The following CREB5 variants were observed in gnomAD, a reference collection of about 807,000 sequenced individuals.
CREB5 encodes the protein cAMP responsive element binding protein 5, also known as cyclic AMP-responsive element-binding protein 5.
In CREB5, 19 loss-of-function variants were observed where a neutral mutation model predicts 57.1. The ratio of observed to expected loss-of-function variants is 0.33; its 90% CI spans 0.23 to 0.49. The LOEUF (loss-of-function observed/expected upper bound fraction) is 0.49. CREB5 is among the 20% of genes least tolerant of loss of function. CREB5 has a pLI of 0.99. For missense variants in CREB5, 579 were observed against 671.6 expected (o/e 0.86, Z 1.52); for synonymous variants, 238 against 238.3 (o/e 1.00, Z 0.01).
intron 7 of CREB5, among the ~76,000 whole-genome samples, chr7:28,797,507 G>A (rs1437658908): frequency 6.6e-6 from 1 of 152,048 alleles, no homozygotes; most frequent in Non-Finnish European, 1.5e-5. Context: ...CCAACCTGGC[G>A]GACTTATTTG....
chr7:28,489,297 T>TTC (rs1491487060), intron 2 of CREB5, among the ~76,000 whole-genome samples: 1 of 14,898 alleles, frequency 6.7e-5, no homozygotes, highest in Non-Finnish European at 1.3e-4. Flanking sequence ...AGGACCCTTC[T>TTC]TTTTTTTTTT....
chr7:28,703,657 G>A (rs1184956442), intron 5 of CREB5, among the ~76,000 whole-genome samples: 2 of 152,100 alleles, frequency 1.3e-5, no homozygotes, highest in African/African-American at 2.4e-5. Flanking sequence ...GAAGACAGAT[G>A]TCCCAGCTCA....
At chr7:28,605,182 C>G (rs973610789) in intron 5 of CREB5, among the ~76,000 whole-genome samples, 1 of 152,142 alleles carries the variant, frequency 6.6e-6, no homozygotes, top group Non-Finnish European at 1.5e-5. Flanking sequence ...GAACTGGATA[C>G]CTTTGCCTGG....
chr7:28,479,624 T>G (rs1200772182), intron 1 of CREB5, among the ~76,000 whole-genome samples: 1 of 152,190 alleles, frequency 6.6e-6, no homozygotes, highest in African/African-American at 2.4e-5. Flanking sequence ...TTTTACCCTG[T>G]GTTCAACGGA....
At chr7:28,558,445 T>A (rs1005410330) in intron 4 of CREB5, among the ~76,000 whole-genome samples, 1 of 152,180 alleles carries the variant, frequency 6.6e-6, no homozygotes, top group Middle Eastern at 3.2e-3. Context: ...AGAAGTGAAA[T>A]GAAGCAGCAA....
In CREB5 at chr7:28,369,582, C is replaced by A. The variant is rs74349158; in HGVS notation, c.-25+70141C>A. 5.1e-3 allele frequency among the ~76,000 whole-genome samples: 777 copies of A among 152,310 alleles called. 6 individuals are homozygous for A. The highest frequency in any genetic ancestry group is 0.017 in the African/African-American group (722 of 41,576). Reference sequence around the variant, plus strand: ...AGGCAAGTGATTGACACATAGTAGGCATTCAACTAACCGTAGTTGTGGTAG... The same window carrying A: ...AGGCAAGTGATTGACACATAGTAGGAATTCAACTAACCGTAGTTGTGGTAG... On this transcript the variant is annotated intron_variant, in intron 1 of 9. Coordinates refer to the CREB5 transcript ENST00000396299.
At chr7:28,743,616 C>T (rs1408692699) in intron 7 of CREB5, among the ~76,000 whole-genome samples, 5 of 152,092 alleles carry the variant, frequency 3.3e-5, no homozygotes, top group South Asian at 2.1e-4. Context: ...AACAACATAC[C>T]GCAGACTGAG....
At chr7:28,587,774 G>A (rs1796355309) in intron 5 of CREB5, among the ~76,000 whole-genome samples, 1 of 152,186 alleles carries the variant, frequency 6.6e-6, no homozygotes, top group Admixed American at 6.5e-5. Context: ...ACACACATGT[G>A]TTGAGAGGTT....
intron 1 of CREB5, among the ~76,000 whole-genome samples, chr7:28,361,616 T>C (rs1441013891): frequency 6.6e-6 from 1 of 152,212 alleles, no homozygotes; most frequent in Non-Finnish European, 1.5e-5. Context: ...AGTTTATTCC[T>C]CTGGGGCCTG....
intron 9 of CREB5, among the ~76,000 whole-genome samples, chr7:28,809,664 G>A (rs889448704): frequency 1.3e-5 from 2 of 152,210 alleles, no homozygotes; most frequent in African/African-American, 2.4e-5. Flanking sequence ...TTGTAGGGGT[G>A]GGAGAACAGG....
intron 7 of CREB5, among the ~76,000 whole-genome samples, chr7:28,753,352 G>A (rs1348542580): frequency 1.3e-5 from 2 of 151,992 alleles, no homozygotes; most frequent in Non-Finnish European, 2.9e-5. Flanking sequence ...TATACAGAAT[G>A]TCCCTAATCT....
intron 7 of CREB5, among the ~76,000 whole-genome samples, chr7:28,759,611 C>T (rs1023248962): frequency 1.3e-5 from 2 of 152,134 alleles, no homozygotes; most frequent in African/African-American, 4.8e-5. Flanking sequence ...CTGAGTTTAC[C>T]AAGTGGAGCA....
chr7:28,596,182 A>C (rs545618660), intron 5 of CREB5, among the ~76,000 whole-genome samples: 7 of 152,318 alleles, frequency 4.6e-5, no homozygotes, highest in African/African-American at 1.7e-4. Context: ...GAATGAGATA[A>C]GTGAGCAGTC....
chr7:28,479,528 A>G (rs1471600429), intron 1 of CREB5, among the ~76,000 whole-genome samples: 3 of 152,166 alleles, frequency 2.0e-5, no homozygotes. Flanking sequence ...ATGGCCTTTA[A>G]GTGACCTCCT....
chr7:28,452,982 C>T (rs924115682), intron 1 of CREB5, among the ~76,000 whole-genome samples: 16 of 152,340 alleles, frequency 1.1e-4, no homozygotes, highest in Middle Eastern at 3.4e-3. Context: ...CAGAAATTCA[C>T]AGCTGTGAAT....
At chr7:28,793,777 C>T (rs899018026) in intron 7 of CREB5, among the ~76,000 whole-genome samples, 1 of 152,210 alleles carries the variant, frequency 6.6e-6, no homozygotes, top group African/African-American at 2.4e-5. Context: ...TGCAAAAGGA[C>T]TGTTGTCATG....
At chr7:28,368,202 A>T (rs535371498) in intron 1 of CREB5, among the ~76,000 whole-genome samples, 15 of 152,306 alleles carry the variant, frequency 9.8e-5, no homozygotes, top group African/African-American at 3.4e-4. Flanking sequence ...ATGGATGTGC[A>T]GGGGCATACA....
chr7:28,311,356 T>G (rs1785273098), intron 1 of CREB5, among the ~76,000 whole-genome samples: 1 of 152,040 alleles, frequency 6.6e-6, no homozygotes, highest in Non-Finnish European at 1.5e-5. Context: ...CAAAGAACTG[T>G]GCTGAACTTT....
chr7:28,322,212 GGGTAAAA>G (rs1313348732), intron 1 of CREB5, among the ~76,000 whole-genome samples: 4 of 152,010 alleles, frequency 2.6e-5, no homozygotes, highest in African/African-American at 9.7e-5. Flanking sequence ...TTGGCTCCTT[GGGTAAAA>G]CAGAATTAAC....
Sources: allele counts gnomAD v4.1 joint callset (sites outside exome capture counted in the v4.1 genomes callset), GRCh38; gene constraint gnomAD v4.1.1; transcripts MANE v1.5; gene names NCBI Gene and HGNC (gene_info 2026-07-23, HGNC 2026-07-21).